Variants in NOL10 observed in about 807,000 individuals in gnomAD.
NOL10 encodes H_NH0074G24.1.
In NOL10, 58 loss-of-function variants were observed where a neutral mutation model predicts 103.5. That is an observed-to-expected ratio of 0.56 (90% CI 0.45 to 0.70). The LOEUF is 0.70. Among genes scored for constraint, NOL10 ranks in the 30% least tolerant of loss-of-function variants. The pLI is 0.00. For missense variants in NOL10, 763 were observed against 807.3 expected, an observed-to-expected ratio of 0.95 and a Z score of 0.67; for synonymous variants, 287 against 282.5, an observed-to-expected ratio of 1.02 and a Z score of -0.16.
intron 12 of NOL10, among the ~76,000 whole-genome samples, chr2:10,645,771 C>T (rs1488306980): frequency 2.6e-5 from 4 of 152,014 alleles, no homozygotes; most frequent in South Asian, 4.2e-4. Context: ...CCTCATGATC[C>T]GCCCGCCTCG....
chr2:10,685,515 A>C (rs1682126981), intron 1 of NOL10, among the ~76,000 whole-genome samples: 1 of 125,326 alleles, frequency 8.0e-6, no homozygotes, highest in Admixed American at 8.6e-5. Context: ...CCCGCCAAAA[A>C]AAAAGAAAAA....
chr2:10,604,275 T>C (rs779045119), intron 14 of NOL10, among the ~76,000 whole-genome samples: 41 of 152,230 alleles, frequency 2.7e-4, no homozygotes, highest in Non-Finnish European at 1.0e-4. Context: ...TATAAGTGAC[T>C]GTCTTTCTAA....
At position 10,669,513 on chromosome 2, in the gene NOL10, T is replaced by TACAC. The variant is rs112846253; in HGVS notation, c.465-794_465-791dup. Among the ~76,000 whole-genome samples the TACAC allele has an allele frequency of 2.3e-3, 312 of 132,926 alleles. 2 individuals carry two copies. Among genetic ancestry groups the TACAC allele is most frequent in the African/African-American group, 8.1e-3 (304 of 37,406 alleles). The allele number at this position is 132,926 out of a possible 152,430, so 87.2% of individuals were successfully genotyped here. A position where few individuals can be genotyped will look rare whatever the true frequency, so the allele number is the denominator to read the frequency against. ...ACACACACATACACACACACATATA[T>TACAC]ACACACACACACACACACACACACA... On this transcript the variant is annotated intron_variant, in intron 6 of 20. Coordinates refer to ENST00000381685, the MANE Select transcript of NOL10 (RefSeq NM_024894.4).
At chr2:10,602,897 T>C in intron 15 of NOL10, 23 bp from the exon 16 acceptor site, 1 of 1,533,586 alleles carries the variant, frequency 6.5e-7, no homozygotes, top group Non-Finnish European at 8.9e-7. Flanking sequence ...AAAAAAGTTT[T>C]TAAAATAAAA....
chr2:10,645,418 CTTTCCTTTT>C (rs1678985557), intron 12 of NOL10, among the ~76,000 whole-genome samples: 1 of 152,016 alleles, frequency 6.6e-6, no homozygotes, highest in African/African-American at 2.4e-5. Flanking sequence ...TTTTTGCTGC[CTTTCCTTTT>C]ATTAACACAA....
chr2:10,644,086 C>T (rs1678894921), intron 13 of NOL10, among the ~76,000 whole-genome samples: 1 of 151,976 alleles, frequency 6.6e-6, no homozygotes, highest in Admixed American at 6.6e-5. Context: ...CCCGTCTCTA[C>T]CAAAAATACA....
chr2:10,639,890 CA>C (rs1292949995), intron 13 of NOL10, among the ~76,000 whole-genome samples: 10 of 152,024 alleles, frequency 6.6e-5, no homozygotes, highest in Admixed American at 5.9e-4. Flanking sequence ...GAAAATGGGA[CA>C]GGGGCTGCAG....
intron 6 of NOL10, among the ~76,000 whole-genome samples, chr2:10,671,278 T>C (rs1319343868): frequency 6.6e-6 from 1 of 152,220 alleles, no homozygotes; most frequent in Non-Finnish European, 1.5e-5. Context: ...GGCACATAAC[T>C]ATCACAGATA....
At position 10,589,761 on chromosome 2, in the gene NOL10, G is replaced by A; in HGVS notation, c.1423-10C>T. 7 of 1,443,100 alleles carry A rather than the reference G, an allele frequency of 4.9e-6. No individual in the cohort carries two copies. Among genetic ancestry groups the A allele is most frequent in the Admixed American group, 3.0e-5 (1 of 33,796 alleles). The allele number at this position is 1,443,100 out of a possible 1,614,324, so 89.4% of individuals were successfully genotyped here. On this transcript the variant is annotated splice_polypyrimidine_tract_variant and intron_variant, in intron 17 of 20. Transcript: ENST00000381685. Reference sequence around the variant, plus strand: ...GAATATTAGGAAGACTCTACAAGGAGGAAAAAGTACGTAAAAATTTAAGTT... The same window carrying A: ...GAATATTAGGAAGACTCTACAAGGAAGAAAAAGTACGTAAAAATTTAAGTT...
At chr2:10,599,761 TG>T (rs1235021737) in intron 17 of NOL10, among the ~76,000 whole-genome samples, 8 of 152,152 alleles carry the variant, frequency 5.3e-5, no homozygotes, top group African/African-American at 1.9e-4. Context: ...TGAATCCATT[TG>T]GAAAGCACAG....
At chr2:10,589,328 C>T (rs747488358) in intron 18 of NOL10, 38 bp from the exon 19 acceptor site, 1 of 1,606,478 alleles carries the variant, frequency 6.2e-7, no homozygotes, top group Non-Finnish European at 8.5e-7. Flanking sequence ...TCCTTTCCCC[C>T]AGTCAAACAC....
chr2:10,672,862 A>G (rs73169906), intron 5 of NOL10, among the ~76,000 whole-genome samples: 3,920 of 152,098 alleles, frequency 0.026, 192 homozygotes, highest in African/African-American at 0.089. Flanking sequence ...GTGTGGAAGC[A>G]CATGCCTGTA....
chr2:10,675,457 T>TGG (rs577847678), intron 4 of NOL10, among the ~76,000 whole-genome samples: 1 of 150,578 alleles, frequency 6.6e-6, no homozygotes, highest in Non-Finnish European at 1.5e-5. Flanking sequence ...TTTGGGGGTT[T>TGG]GGGGGGGGTG....
At chr2:10,665,666 G>A (rs1233185154) in intron 8 of NOL10, among the ~76,000 whole-genome samples, 1 of 152,146 alleles carries the variant, frequency 6.6e-6, no homozygotes, top group Non-Finnish European at 1.5e-5. Flanking sequence ...TTAGCACATT[G>A]CCTGGTGTCT....
intron 13 of NOL10, among the ~76,000 whole-genome samples, chr2:10,625,701 A>T (rs932550950): frequency 4.6e-5 from 7 of 152,126 alleles, no homozygotes; most frequent in Non-Finnish European, 8.8e-5. Context: ...AGTATAAGCC[A>T]ACTTTACCTC....
intron 12 of NOL10, among the ~76,000 whole-genome samples, chr2:10,653,025 G>A (rs931176347): frequency 3.3e-5 from 5 of 151,970 alleles, no homozygotes; most frequent in African/African-American, 7.3e-5. Context: ...GCGGAACCCC[G>A]TTTCTACTAA....
chr2:10,671,682 G>C lies in NOL10; in HGVS notation c.336C>G (p.Phe112Leu). 2 of 1,560,196 alleles carry C rather than the reference G, an allele frequency of 1.3e-6. No individual in the cohort carries two copies. The highest frequency in any genetic ancestry group is 1.2e-5 in the South Asian group (1 of 83,896). Residue 112 changes from phenylalanine to leucine, a missense_variant, in exon 6 of 21, where the codon TTC (phenylalanine) becomes TTG (leucine). Transcript: ENST00000381685. ...ATTCAATGTATCTATCATTATGTAA[G>C]AAGACAATCTGAAAATAAAACAAAA... ...ILSDDYSKIV[F>L]LHNDRYIEFH...
chr2:10,689,957 G>T lies in NOL10; in HGVS notation c.-96C>A. 1 of 1,143,212 alleles carries T rather than the reference G, an allele frequency of 8.7e-7. No homozygotes were observed. 70.8% of individuals were successfully genotyped at this position (1,143,212 alleles called of 1,614,324 possible). The stretch of plus-strand genomic sequence containing the variant: ...CCTCCGAGCCCCTGCTCCGCGGCGT[G>T]CGGCCGCTGGCGCCGACTGATGACG... On this transcript the variant is annotated 5_prime_UTR_variant, in exon 1 of 21. Coordinates refer to ENST00000381685, the MANE Select transcript of NOL10 (RefSeq NM_024894.4).
At chr2:10,612,030 G>C (rs1226716501) in intron 13 of NOL10, among the ~76,000 whole-genome samples, 1 of 152,124 alleles carries the variant, frequency 6.6e-6, no homozygotes, top group Non-Finnish European at 1.5e-5. Flanking sequence ...GGGTGAGATA[G>C]GAGGATCCCT....
Sources: allele counts gnomAD v4.1 joint callset (sites outside exome capture counted in the v4.1 genomes callset), GRCh38; gene constraint gnomAD v4.1.1; transcripts MANE v1.5; gene names NCBI Gene and HGNC (gene_info 2026-07-23, HGNC 2026-07-21).